Variants in SART3 observed in about 807,000 individuals in gnomAD.
The protein encoded by SART3 is spliceosome associated factor 3, U4/U6 recycling protein, also known as HIV-1 Tat-interacting protein of 110kDa.
A neutral mutation model predicts 122.3 loss-of-function variants in SART3; 44 were observed. That is an observed-to-expected ratio of 0.36 (90% CI 0.28 to 0.46). SART3 has a LOEUF of 0.46. Among genes scored for constraint, SART3 ranks in the 20% least tolerant of loss-of-function variants. SART3 has a pLI of 1.00. For missense variants in SART3, 1,101 were observed against 1,229.0 expected (o/e 0.90, Z 1.56); for synonymous variants, 442 against 454.0 (o/e 0.97, Z 0.34).
At chr12:108,525,843 T>C (rs1338678638) in intron 16 of SART3, 4 of 623,926 alleles carry the variant, frequency 6.4e-6, no homozygotes, top group Middle Eastern at 4.3e-4. Flanking sequence ...CAGAGTCTCA[T>C]GAGGAGTCAA....
At chr12:108,533,884 C>T (rs1872786829) in intron 12 of SART3, among the ~76,000 whole-genome samples, 1 of 152,150 alleles carries the variant, frequency 6.6e-6, no homozygotes, top group Non-Finnish European at 1.5e-5. Context: ...TTTCAGATTC[C>T]ACATGCAACA....
rs766821384 is a variant in SART3 at position 108,526,453 on chromosome 12, G to A, written c.2016C>T (p.Ala672=). 3.7e-5 allele frequency: 59 copies of A among 1,614,028 alleles called. No individual in the cohort carries two copies. Among genetic ancestry groups the A allele is most frequent in the South Asian group, 4.4e-5 (4 of 91,082 alleles). ...VAAGPAGKCA[A]VDVEPPSKQK... ...GCTTCGAAGGGGGCTCCACATCTACGGCAGCACATTTCCCAGCGGGCCCTG... is the reference window on the plus strand; with the variant it reads ...GCTTCGAAGGGGGCTCCACATCTACAGCAGCACATTTCCCAGCGGGCCCTG... Residue 672 remains alanine, a synonymous_variant, in exon 16 of 19, where the codon GCC becomes GCT. Coordinates refer to ENST00000546815, the MANE Select transcript of SART3 (RefSeq NM_014706.4).
intron 6 of SART3, 142 bp downstream of exon 6, chr12:108,542,886 T>C: frequency 8.8e-7 from 1 of 1,139,058 alleles, no homozygotes; most frequent in South Asian, 1.3e-5. Context: ...CACTTTATTA[T>C]TAGTATGTAA....
At chr12:108,555,380 C>A (rs1316650759) in intron 1 of SART3, among the ~76,000 whole-genome samples, 11 of 152,148 alleles carry the variant, frequency 7.2e-5, no homozygotes. Flanking sequence ...ATATTAAAGA[C>A]TTGGCCGGGG....
intron 17 of SART3, 140 bp from the exon 18 acceptor site, chr12:108,524,646 C>T (rs1872284285): frequency 1.4e-6 from 1 of 722,180 alleles, no homozygotes; most frequent in South Asian, 1.5e-5. Context: ...GGTTACCTTC[C>T]CCACCACCGC....
intron 9 of SART3, chr12:108,537,199 A>T (rs12306187): frequency 0.83 from 367,839 of 441,680 alleles, 153,659 homozygotes; most frequent in East Asian, 0.93. Context: ...AACACAGCAG[A>T]CTTATTTCAA....
intron 15 of SART3, among the ~76,000 whole-genome samples, chr12:108,529,131 A>G (rs1012715635): frequency 3.3e-5 from 5 of 152,214 alleles, no homozygotes; most frequent in African/African-American, 1.2e-4. Context: ...TCAAAAATAA[A>G]TGAATAAATA....
intron 1 of SART3, among the ~76,000 whole-genome samples, chr12:108,555,349 G>A (rs2030171449): frequency 6.6e-6 from 1 of 152,184 alleles, no homozygotes; most frequent in Admixed American, 6.5e-5. Context: ...ATGGCAAAAT[G>A]TTTTTAAACT....
intron 15 of SART3, among the ~76,000 whole-genome samples, chr12:108,529,168 T>TG (rs1189635915): frequency 5.9e-5 from 9 of 152,320 alleles, no homozygotes; most frequent in African/African-American, 1.2e-4. Context: ...AGAAGGGCAT[T>TG]GCAAGTGTGA....
chr12:108,532,971 C>T (rs1319873371), intron 12 of SART3, among the ~76,000 whole-genome samples: 2 of 152,090 alleles, frequency 1.3e-5, no homozygotes, highest in African/African-American at 2.4e-5. Flanking sequence ...CAAGGCTGGT[C>T]GCAAACAGAT....
At chr12:108,559,318 C>T (rs2030368660) in intron 1 of SART3, among the ~76,000 whole-genome samples, 1 of 152,186 alleles carries the variant, frequency 6.6e-6, no homozygotes, top group African/African-American at 2.4e-5. Context: ...CTATGAATAA[C>T]TTAAAGGAAA....
intron 4 of SART3, chr12:108,544,834 G>A (rs149545582): frequency 5.3e-6 from 3 of 569,308 alleles, no homozygotes; most frequent in Non-Finnish European, 9.4e-6. Context: ...CAAACTGCTG[G>A]AATTACAAGC....
intron 1 of SART3, chr12:108,554,016 C>G (rs1387668394): frequency 6.6e-6 from 1 of 152,230 alleles, no homozygotes; most frequent in African/African-American, 2.4e-5. Flanking sequence ...AACGTCTCTC[C>G]AACCTCAGGG....
At chr12:108,525,330 A>G in intron 17 of SART3, 127 bp downstream of exon 17, 1 of 955,386 alleles carries the variant, frequency 1.0e-6, no homozygotes, top group Non-Finnish European at 1.7e-6. Context: ...CTTTCTGTGA[A>G]ATTAACTTTT....
intron 1 of SART3, among the ~76,000 whole-genome samples, chr12:108,558,739 T>C (rs1421568091): frequency 6.6e-6 from 1 of 152,122 alleles, no homozygotes; most frequent in East Asian, 1.9e-4. Context: ...CACACTTATT[T>C]ATAAAAAGTA....
intron 17 of SART3, 59 bp downstream of exon 17, chr12:108,525,398 T>C (rs1872323749): frequency 6.3e-7 from 1 of 1,591,972 alleles, no homozygotes; most frequent in Non-Finnish European, 8.6e-7. Context: ...TTTGAACCGA[T>C]ACAGAAACGA....
At chr12:108,537,020 G>T in intron 9 of SART3, 1 of 539,514 alleles carries the variant, frequency 1.9e-6, no homozygotes. Context: ...CTGTGGGGGG[G>T]AGTCTCCCCC....
rs760182498 is a variant in SART3 at position 108,536,690 on chromosome 12, A to G, written c.1387+18T>C. Reference sequence around the variant, plus strand: ...AGGAAATACAACTGGGCAAAACCACAGGCTGGGGCATACTTACGCTCTTCC... The same window carrying G: ...AGGAAATACAACTGGGCAAAACCACGGGCTGGGGCATACTTACGCTCTTCC... On this transcript the variant is annotated intron_variant, in intron 10 of 18. Coordinates refer to ENST00000546815, the MANE Select transcript of SART3 (RefSeq NM_014706.4). The G allele has an allele frequency of 6.2e-7, 1 of 1,613,656 alleles. No individual in the cohort carries two copies. The highest frequency in any genetic ancestry group is 1.7e-5 in the Admixed American group (1 of 60,014).
At chr12:108,554,893 A>C (rs373297163) in intron 1 of SART3, among the ~76,000 whole-genome samples, 8 of 152,236 alleles carry the variant, frequency 5.3e-5, no homozygotes, top group African/African-American at 1.9e-4. Context: ...CTACAAACAA[A>C]TCATTTGGAA....
Sources: gnomAD v4.1 joint callset for allele counts (sites outside exome capture counted in the v4.1 genomes callset) on GRCh38, gnomAD v4.1.1 for gene constraint, MANE v1.5 for transcripts, NCBI Gene and HGNC (gene_info 2026-07-23, HGNC 2026-07-21) for gene names.